METTL15: variants seen among roughly 807,000 people sequenced by gnomAD.
The protein encoded by METTL15 is methyltransferase 15, mitochondrial 12S rRNA N4-cytidine, also known as 12S rRNA N(4)-cytidine methyltransferase METTL15.
Under a neutral mutation model 38.3 loss-of-function variants are expected in METTL15, and 34 were observed. The observed-to-expected ratio is 0.89, with a 90% confidence interval of 0.68 to 1.18. METTL15 has a LOEUF of 1.18. Ranked by LOEUF, METTL15 falls within the 50% of genes most tolerant of loss-of-function variation. METTL15 has a pLI of 0.00. For missense variants in METTL15, 438 were observed against 498.4 expected (o/e 0.88, Z 1.15); for synonymous variants, 162 against 170.9 (o/e 0.95, Z 0.41).
At chr11:28,325,206 A>G (rs534707443) in intron 6 of METTL15, among the ~76,000 whole-genome samples, 1 of 152,262 alleles carries the variant, frequency 6.6e-6, no homozygotes, top group Non-Finnish European at 1.5e-5. Flanking sequence ...TGGCCTTCCC[A>G]TGTTACGGCT....
rs544712701 is a variant in METTL15, at chr11:28,471,552, T to G, written c.*424+47188T>G. ...CTTCTGTGATTTGTATGCTTCCAAT[T>G]GTAGCCCTCTCTTTGTGTGGGGGTT... is the stretch of plus-strand genomic sequence containing the variant. On this transcript the variant is annotated intron_variant and NMD_transcript_variant, in intron 6 of 7. Coordinates refer to the METTL15 transcript ENST00000532947. 5.3e-5 allele frequency among the ~76,000 whole-genome samples: 8 copies of G among 152,242 alleles called. No individual in the cohort carries two copies. In the East Asian group the frequency reaches 1.5e-3, roughly 29 times the overall value.
intron 5 of METTL15, among the ~76,000 whole-genome samples, chr11:28,378,430 C>T (rs922274756): frequency 3.3e-5 from 5 of 152,232 alleles, no homozygotes; most frequent in African/African-American, 1.2e-4. Flanking sequence ...AGGTGCCATT[C>T]GTCACCCCTT....
At chr11:28,494,779 C>G (rs1365316719) in intron 6 of METTL15, among the ~76,000 whole-genome samples, 1 of 152,184 alleles carries the variant, frequency 6.6e-6, no homozygotes, top group Non-Finnish European at 1.5e-5. Context: ...TTGCCTGCCA[C>G]CATGTAAGAT....
intron 4 of METTL15, among the ~76,000 whole-genome samples, chr11:28,255,466 A>G (rs1386393954): frequency 6.6e-6 from 1 of 152,130 alleles, no homozygotes; most frequent in African/African-American, 2.4e-5. Context: ...TACTCTATCT[A>G]GGACTTCCAG....
chr11:28,325,349 C>G (rs925268025), intron 6 of METTL15, among the ~76,000 whole-genome samples: 1 of 152,300 alleles, frequency 6.6e-6, no homozygotes. Context: ...ACCCGCTAGG[C>G]TGAGCAAGAC....
At chr11:28,116,750 C>A (rs1302333467) in intron 3 of METTL15, among the ~76,000 whole-genome samples, 1 of 152,142 alleles carries the variant, frequency 6.6e-6, no homozygotes, top group Non-Finnish European at 1.5e-5. Context: ...ATAAATCCAG[C>A]ATTCTTTAAA....
chr11:28,127,621 T>C (rs184816045), intron 3 of METTL15, among the ~76,000 whole-genome samples: 3 of 152,300 alleles, frequency 2.0e-5, no homozygotes, highest in Admixed American at 6.5e-5. Flanking sequence ...ATCCACTGTA[T>C]ACACATTATT....
intron 5 of METTL15, among the ~76,000 whole-genome samples, chr11:28,394,363 A>T (rs1311211316): frequency 6.6e-6 from 1 of 152,122 alleles, no homozygotes; most frequent in East Asian, 1.9e-4. Flanking sequence ...GAGGGATGTG[A>T]GTGAACTTTG....
chr11:28,155,369 C>A (rs1565129079), intron 3 of METTL15, among the ~76,000 whole-genome samples: 1 of 152,134 alleles, frequency 6.6e-6, no homozygotes, highest in Non-Finnish European at 1.5e-5. Flanking sequence ...CGAGATTAAA[C>A]TAGATGATTT....
chr11:28,406,861 C>T (rs1231741388), intron 5 of METTL15, among the ~76,000 whole-genome samples: 5 of 152,124 alleles, frequency 3.3e-5, no homozygotes, highest in African/African-American at 1.2e-4. Context: ...TATGTCCCAT[C>T]AATACCTAAC....
intron 6 of METTL15, among the ~76,000 whole-genome samples, chr11:28,311,743 A>G (rs1048712962): frequency 1.3e-5 from 2 of 152,246 alleles, no homozygotes; most frequent in African/African-American, 2.4e-5. Flanking sequence ...ATCAGATAAC[A>G]TATTTTAGAT....
intron 4 of METTL15, among the ~76,000 whole-genome samples, chr11:28,222,098 A>G (rs1014876285): frequency 6.6e-6 from 1 of 152,166 alleles, no homozygotes; most frequent in Non-Finnish European, 1.5e-5. Flanking sequence ...AGGGATATTT[A>G]AGTCTGCAGA....
intron 6 of METTL15, among the ~76,000 whole-genome samples, chr11:28,429,188 C>T (rs1850889997): frequency 6.6e-6 from 1 of 152,120 alleles, no homozygotes; most frequent in African/African-American, 2.4e-5. Flanking sequence ...TTTGCCATCA[C>T]CCAAACTCCT....
chr11:28,230,386 A>T (rs927968624), intron 4 of METTL15, among the ~76,000 whole-genome samples: 7 of 151,962 alleles, frequency 4.6e-5, no homozygotes, highest in Non-Finnish European at 5.9e-5. Flanking sequence ...TTATATTATG[A>T]TAACTGAGAA....
At chr11:28,160,653 A>G (rs1206109620) in intron 3 of METTL15, among the ~76,000 whole-genome samples, 1 of 152,188 alleles carries the variant, frequency 6.6e-6, no homozygotes, top group Non-Finnish European at 1.5e-5. Flanking sequence ...AATTTGCCAA[A>G]GAACTTGTGC....
chr11:28,181,969 A>G (rs528603663), intron 3 of METTL15, among the ~76,000 whole-genome samples: 2 of 152,090 alleles, frequency 1.3e-5, no homozygotes, highest in Non-Finnish European at 1.5e-5. Flanking sequence ...GTGAGATGAT[A>G]TCTTGTTGTG....
intron 6 of METTL15, among the ~76,000 whole-genome samples, chr11:28,321,753 A>T (rs1849478139): frequency 6.6e-6 from 1 of 152,050 alleles, no homozygotes; most frequent in Admixed American, 6.6e-5. Flanking sequence ...GGGCTGGTGG[A>T]GGAGAAGATG....
intron 3 of METTL15, among the ~76,000 whole-genome samples, chr11:28,183,040 A>G (rs1013747691): frequency 6.6e-6 from 1 of 152,062 alleles, no homozygotes; most frequent in African/African-American, 2.4e-5. Context: ...GAGTTCACTC[A>G]ATATTTGGCT....
At chr11:28,231,544 C>T (rs1205897346) in intron 4 of METTL15, among the ~76,000 whole-genome samples, 1 of 151,714 alleles carries the variant, frequency 6.6e-6, no homozygotes, top group Non-Finnish European at 1.5e-5. Flanking sequence ...TTTCTGCTTA[C>T]CACAGGAGGC....
Sources: allele counts gnomAD v4.1 joint callset (sites outside exome capture counted in the v4.1 genomes callset), GRCh38; gene constraint gnomAD v4.1.1; transcripts MANE v1.5; gene names NCBI Gene and HGNC (gene_info 2026-07-23, HGNC 2026-07-21).